FLNB: variants seen among roughly 807,000 people sequenced by gnomAD.
FLNB encodes the protein filamin-B.
FLNB carries 111 observed loss-of-function variants against 250.6 expected under a neutral mutation model. The ratio of observed to expected loss-of-function variants is 0.44; its 90% confidence interval spans 0.38 to 0.52. The LOEUF (loss-of-function observed/expected upper bound fraction) is 0.52. Ranked by LOEUF, FLNB falls within the 20% of genes least tolerant of loss-of-function variation. The pLI, the probability that FLNB is intolerant of heterozygous loss-of-function variation, is 0.00. For missense variants in FLNB, 2,869 were observed against 3,447.8 expected, an observed-to-expected ratio of 0.83 and a Z score of 4.20; for synonymous variants, 1,302 against 1,372.1, an observed-to-expected ratio of 0.95 and a Z score of 1.13.
At chr3:58,118,801 T>C in intron 18 of FLNB, 71 bp from the exon 19 acceptor site, 1 of 1,064,550 alleles carries the variant, frequency 9.4e-7, no homozygotes. Context: ...TGAGGGATCT[T>C]GAGGGGATTT....
chr3:58,123,827 G>T lies in FLNB; in HGVS notation c.3724+137G>T, dbSNP rs573296942. The T allele has an allele frequency of 6.3e-5, 46 of 726,408 alleles. No individual in the cohort carries two copies. In the South Asian group the frequency reaches 7.9e-4, roughly 12 times the overall value. The allele number at this position is 726,408 out of a possible 1,614,324, so 45.0% of individuals were successfully genotyped here. A position where few individuals can be genotyped will look rare whatever the true frequency, so the allele number is the denominator to read the frequency against. ...AAGGCGGTGCTCACCTGTTCCCTCTGCCTCGGGGAGTAGTTGGGGGGCCCT... is the reference window on the plus strand; with the variant it reads ...AAGGCGGTGCTCACCTGTTCCCTCTTCCTCGGGGAGTAGTTGGGGGGCCCT... On this transcript the variant is annotated intron_variant, in intron 21 of 45. Transcript: ENST00000295956.
At chr3:58,059,917 G>A (rs565929232) in intron 1 of FLNB, among the ~76,000 whole-genome samples, 12 of 152,348 alleles carry the variant, frequency 7.9e-5, no homozygotes, top group Admixed American at 7.8e-4. Flanking sequence ...ATAGCCAACA[G>A]TGGATTCTGG....
intron 18 of FLNB, among the ~76,000 whole-genome samples, chr3:58,115,888 T>G (rs144377563): frequency 6.6e-6 from 1 of 152,232 alleles, no homozygotes; most frequent in African/African-American, 2.4e-5. Flanking sequence ...TGTTTGTTGC[T>G]TGGAGCTGGG....
rs1309244016 is a variant in FLNB, at chr3:58,099,018, C to A, written c.1345+110C>A. On this transcript the variant is annotated intron_variant, in intron 8 of 45. Transcript: ENST00000295956. ...GGCCCAACATTGACCTTATGCCTAT[C>A]CCTTTTCTGCCAGGGCTACTTCAGC... 4.5e-6 allele frequency: 4 copies of A among 885,774 alleles called. No homozygotes were observed. The African/African-American group carries it at 4.9e-5, about 11-fold the overall frequency. 54.9% of individuals were successfully genotyped at this position (885,774 alleles called of 1,614,324 possible). A position where few individuals can be genotyped will look rare whatever the true frequency, so the allele number is the denominator to read the frequency against.
chr3:58,168,423 C>G lies in FLNB; in HGVS notation c.7199-17C>G. 6.3e-7 allele frequency: 1 copy of G among 1,599,686 alleles called. No individual in the cohort carries two copies. ...CTCCAAGTCATCAACACAGCATTTT[C>G]TATTCCTTTCTCCCAGGTATCCAGT... On this transcript the variant is annotated splice_polypyrimidine_tract_variant and intron_variant, in intron 43 of 45. Transcript: ENST00000295956.
At position 58,011,539 on chromosome 3, in the gene FLNB, T is replaced by A. The variant is rs1223038765; in HGVS notation, c.292+2683T>A. On this transcript the variant is annotated intron_variant, in intron 1 of 45. Transcript: ENST00000295956. ...AGAGAGCCCTGGCAAGTGCCAGGAC[T>A]GCTGTGGGGATAAAGCAGGAGGCTT... Among the ~76,000 whole-genome samples, 3 of 152,196 alleles carry A rather than the reference T, an allele frequency of 2.0e-5. No homozygotes were observed. The East Asian group carries it at 5.8e-4, about 29-fold the overall frequency.
intron 16 of FLNB, among the ~76,000 whole-genome samples, 175 bp downstream of exon 16, chr3:58,110,345 C>G (rs1257922874): frequency 6.6e-6 from 1 of 152,188 alleles, no homozygotes; most frequent in African/African-American, 2.4e-5. Flanking sequence ...TCACTGCAAC[C>G]TCTGCCTCCC....
chr3:58,158,012 C>T (rs1308255105), intron 41 of FLNB, among the ~76,000 whole-genome samples: 4 of 150,300 alleles, frequency 2.7e-5, no homozygotes, highest in South Asian at 2.1e-4. Flanking sequence ...CGGAGGCCCA[C>T]GCAAGCAACA....
intron 1 of FLNB, among the ~76,000 whole-genome samples, chr3:58,032,642 T>G (rs2097132581): frequency 6.6e-6 from 1 of 152,198 alleles, no homozygotes; most frequent in Non-Finnish European, 1.5e-5. Flanking sequence ...AGTTGCATTC[T>G]AAGAACACCT....
chr3:58,032,854 G>T (rs1192739467), intron 1 of FLNB, among the ~76,000 whole-genome samples: 1 of 152,142 alleles, frequency 6.6e-6, no homozygotes, highest in Non-Finnish European at 1.5e-5. Context: ...GATCTCTTGA[G>T]CCTGGGAATT....
intron 1 of FLNB, among the ~76,000 whole-genome samples, chr3:58,038,038 TTTG>T (rs1388615145): frequency 6.6e-6 from 1 of 152,216 alleles, no homozygotes; most frequent in Non-Finnish European, 1.5e-5. Flanking sequence ...TGTTTGTTTG[TTTG>T]TTTTTATGAC....
rs141660074 is a variant in FLNB, at chr3:58,145,116, C to T, written c.5426-805C>T. Among the ~76,000 whole-genome samples the T allele has an allele frequency of 1.8e-3, 276 of 152,308 alleles. 1 individual carries two copies. The highest frequency in any genetic ancestry group is 5.4e-3 in the African/African-American group (226 of 41,562). On this transcript the variant is annotated intron_variant, in intron 32 of 45. Transcript: ENST00000295956. The stretch of plus-strand genomic sequence containing the variant: ...CTGCTTCTATTTAAATATTCTAAAG[C>T]GGCAGATGGAGAGAGAGGAAAAAAT...
intron 28 of FLNB, 42 bp downstream of exon 28, chr3:58,136,210 A>G (rs1209178490): frequency 6.2e-7 from 1 of 1,601,590 alleles, no homozygotes; most frequent in East Asian, 2.2e-5. Flanking sequence ...CAGGCTTTGC[A>G]ATCAGAAAGC....
At chr3:58,161,843 A>G (rs1445074652) in intron 42 of FLNB, among the ~76,000 whole-genome samples, 3 of 152,156 alleles carry the variant, frequency 2.0e-5, no homozygotes. Context: ...CGCCACATCA[A>G]TTAAGAGAGA....
At chr3:58,141,968 T>C in intron 30 of FLNB, 39 bp downstream of exon 30, 1 of 1,554,582 alleles carries the variant, frequency 6.4e-7, no homozygotes, top group Non-Finnish European at 8.9e-7. Flanking sequence ...TTTCTGTGTT[T>C]ACTCAGCCTT....
intron 1 of FLNB, among the ~76,000 whole-genome samples, chr3:58,026,046 T>G (rs1157369773): frequency 1.3e-5 from 2 of 152,228 alleles, no homozygotes; most frequent in Admixed American, 1.3e-4. Flanking sequence ...CAGCTGCTGC[T>G]GTTGTGGTGT....
In FLNB at chr3:58,069,075, G is replaced by A. The variant is rs867907135; in HGVS notation, c.293-7971G>A. Among the ~76,000 whole-genome samples the A allele has an allele frequency of 4.6e-5, 7 of 151,128 alleles. No individual in the cohort carries two copies. In the South Asian group the frequency reaches 1.5e-3, roughly 32 times the overall value. On this transcript the variant is annotated intron_variant, in intron 1 of 45. Transcript: ENST00000295956. ...GAAGGATCGCTTGAGCCCAGGAGGC[G>A]GATGTTGCAGTGAGCAGAGATTGTA...
Position 58,069,154 on chromosome 3 carries a change from AG to A in FLNB, c.293-7890del, listed in dbSNP as rs1444627375. Among the ~76,000 whole-genome samples the A allele has an allele frequency of 4.7e-5, 7 of 149,288 alleles. 1 individual carries two copies. The highest frequency in any genetic ancestry group is 1.7e-4 in the African/African-American group (7 of 40,524). On this transcript the variant is annotated intron_variant, in intron 1 of 45. Coordinates refer to ENST00000295956, the MANE Select transcript of FLNB (RefSeq NM_001457.4). ...ACCCTGTCTTTAAAAAAAAAAAAAA[AG>A]GAGGGGCCAGACCCCTGACCCATAT...
chr3:58,145,785 C>G (rs1410281437), intron 32 of FLNB, 136 bp from the exon 33 acceptor site: 8 of 1,020,036 alleles, frequency 7.8e-6, no homozygotes, highest in Admixed American at 3.4e-5. Context: ...GCATGTGCAT[C>G]TCCTTCTGTC....
Sources: allele counts gnomAD v4.1 joint callset (sites outside exome capture counted in the v4.1 genomes callset), GRCh38; gene constraint gnomAD v4.1.1; transcripts MANE v1.5; gene names NCBI Gene and HGNC (gene_info 2026-07-23, HGNC 2026-07-21).